Variants in ARHGAP32 observed in about 807,000 individuals in gnomAD.
ARHGAP32 encodes the protein Rho GTPase activating protein 32, also known as rho GTPase-activating protein 32.
A neutral mutation model predicts 186.5 loss-of-function variants in ARHGAP32; 51 were observed. That is an observed-to-expected ratio of 0.27 (90% CI 0.22 to 0.35). The LOEUF is 0.35. Among genes scored for constraint, ARHGAP32 ranks in the 10% least tolerant of loss-of-function variants. The probability of loss-of-function intolerance (pLI) is 1.00; values close to 1 mark genes in which losing one functional copy is unlikely to be tolerated. For synonymous variants in ARHGAP32, 950 were observed against 964.3 expected, an observed-to-expected ratio of 0.99 and a Z score of 0.27; for missense variants, 2,186 against 2,623.5, an observed-to-expected ratio of 0.83 and a Z score of 3.64.
intron 2 of ARHGAP32, 38 bp downstream of exon 2, chr11:129,164,281 T>C (rs1435298015): frequency 9.3e-6 from 11 of 1,188,846 alleles, no homozygotes; most frequent in Non-Finnish European, 1.3e-5. Context: ...TATATACATA[T>C]ATATGTATAT....
rs1242084851 is a variant in ARHGAP32 at position 129,064,947 on chromosome 11, G to T, written c.670-14C>A. 2.5e-6 allele frequency: 4 copies of T among 1,568,642 alleles called. No individual in the cohort carries two copies. Among genetic ancestry groups the T allele is most frequent in the Non-Finnish European group, 3.5e-6 (4 of 1,155,200 alleles). ...CTGAGTGACCGACTGAAAAGAAAAA[G>T]ATCAGTGTAACTCTGAGTAAAGATA... is the stretch of plus-strand genomic sequence containing the variant. On this transcript the variant is annotated splice_polypyrimidine_tract_variant and intron_variant, in intron 7 of 22. Transcript: ENST00000682385.
intron 1 of ARHGAP32, among the ~76,000 whole-genome samples, chr11:129,271,128 G>A (rs1199872800): frequency 6.6e-6 from 1 of 152,212 alleles, no homozygotes; most frequent in African/African-American, 2.4e-5. Context: ...CCAGTAAGCA[G>A]AATGATACGA....
At chr11:129,231,569 C>T (rs1451843866) in intron 1 of ARHGAP32, among the ~76,000 whole-genome samples, 1 of 152,100 alleles carries the variant, frequency 6.6e-6, no homozygotes, top group African/African-American at 2.4e-5. Flanking sequence ...CGACATCTTA[C>T]AAAAACTGTC....
intron 1 of ARHGAP32, among the ~76,000 whole-genome samples, chr11:129,180,831 G>A (rs1283056350): frequency 2.0e-5 from 3 of 152,122 alleles, no homozygotes; most frequent in Middle Eastern, 3.4e-3. Context: ...AAATAGGAGA[G>A]AAAACTACTT....
chr11:129,148,659 C>T (rs1453851566), intron 2 of ARHGAP32, among the ~76,000 whole-genome samples: 1 of 152,116 alleles, frequency 6.6e-6, no homozygotes, highest in Non-Finnish European at 1.5e-5. Context: ...CAGATACAAA[C>T]GTAGGAGCCA....
rs1348132602 is a variant in ARHGAP32, at chr11:128,969,022, G to T, written c.6191C>A (p.Pro2064His). 6.2e-7 allele frequency: 1 copy of T among 1,611,582 alleles called. No homozygotes were observed. The highest frequency in any genetic ancestry group is 8.5e-7 in the Non-Finnish European group (1 of 1,178,388). Residue 2064 changes from proline (P) to histidine (H), a missense_variant, in exon 23 of 23, where the codon CCC becomes CAC. This residue lies in a region of ARHGAP32 where 1,502 missense variants were observed against 1,570.0 expected (regional missense o/e 0.96). Coordinates refer to ENST00000682385, the MANE Select transcript of ARHGAP32 (RefSeq NM_001378024.1). The surrounding 1 kb of genome is among the most constrained non-coding windows in gnomAD (Gnocchi z 4.8). ...FGGGGMGTYV[P>H]PGFPHPQSRT... ...GCTCTGTGGATGGGGAAAGCCAGGG[G>T]GCACATACGTCCCCATGCCGCCCCC...
intron 5 of ARHGAP32, among the ~76,000 whole-genome samples, chr11:129,103,175 G>A (rs867492069): frequency 6.6e-6 from 1 of 151,986 alleles, no homozygotes; most frequent in African/African-American, 2.4e-5. Context: ...ACATATGTGT[G>A]GTACTTACAG....
chr11:129,253,296 G>C (rs886880388), intron 1 of ARHGAP32, among the ~76,000 whole-genome samples: 2 of 152,026 alleles, frequency 1.3e-5, no homozygotes, highest in African/African-American at 2.4e-5. Flanking sequence ...TACCAAATAT[G>C]GTCATAATGT....
At chr11:129,053,511 A>G (rs1426641851) in intron 10 of ARHGAP32, among the ~76,000 whole-genome samples, 1 of 152,186 alleles carries the variant, frequency 6.6e-6, no homozygotes, top group Non-Finnish European at 1.5e-5. Flanking sequence ...AAACAAGCAG[A>G]GCCACTATTA....
rs1404169607 is a variant in ARHGAP32, at chr11:128,969,755, C to G, written c.5458G>C (p.Val1820Leu). Residue 1820 changes from valine to leucine, a missense_variant, in exon 23 of 23, where the codon GTG becomes CTG. Val to Leu is a conservative substitution (Grantham distance 32, BLOSUM62 1). Around this residue, in one of 5 missense-constraint regions of ARHGAP32, gnomAD observed 1,502 missense variants for 1,570.0 expected, o/e 0.96. Coordinates refer to ENST00000682385, the MANE Select transcript of ARHGAP32 (RefSeq NM_001378024.1). This position sits in a 1 kb window ranked among gnomAD's most constrained non-coding sequence, Gnocchi z 4.8. ...TGGCGGCTCTCCTTTCCTTCTGCCA[C>G]TGAGAGAAGTCCAGTTTTCCCAGGA... is the stretch of plus-strand genomic sequence containing the variant. Reference protein sequence around the residue: ...SDPGKTGLLSVAEGKESRHAA... With the variant: ...SDPGKTGLLSLAEGKESRHAA... 6.2e-7 allele frequency: 1 copy of G among 1,614,160 alleles called. No individual in the cohort carries two copies. Among genetic ancestry groups the G allele is most frequent in the South Asian group, 1.1e-5 (1 of 91,084 alleles).
At chr11:129,236,662 A>G (rs1172921231) in intron 1 of ARHGAP32, among the ~76,000 whole-genome samples, 3 of 152,140 alleles carry the variant, frequency 2.0e-5, no homozygotes, top group Admixed American at 6.6e-5. Flanking sequence ...ATACGTCTTT[A>G]GGGTTTTCTA....
At chr11:129,274,164 C>T (rs528747637) in intron 1 of ARHGAP32, among the ~76,000 whole-genome samples, 22 of 152,288 alleles carry the variant, frequency 1.4e-4, no homozygotes, top group African/African-American at 4.3e-4. Flanking sequence ...CCTTTAAATA[C>T]AAGACTAGCC....
Position 128,981,902 on chromosome 11 carries a change from G to A in ARHGAP32, c.1561C>T (p.Leu521=). 1 of 1,612,176 alleles carries A rather than the reference G, an allele frequency of 6.2e-7. No individual in the cohort carries two copies. Among genetic ancestry groups the A allele is most frequent in the East Asian group, 2.2e-5 (1 of 44,804 alleles). Reference sequence around the variant, plus strand: ...TTTGTGATGGAACAATAGTCAGCTAGAAGAGACAAGTGTCTCATCAGGAAC... The same window carrying A: ...TTTGTGATGGAACAATAGTCAGCTAAAAGAGACAAGTGTCTCATCAGGAAC... The part of the protein sequence containing the change: ...LEFLMRHLSL[L]ADYCSITNMH... Residue 521 remains leucine, a synonymous_variant, in exon 16 of 23, where the codon CTA becomes TTA. Coordinates refer to ENST00000682385, the MANE Select transcript of ARHGAP32 (RefSeq NM_001378024.1).
rs561773823 is a variant in ARHGAP32 at position 129,189,709 on chromosome 11, G to A, written c.116+2374C>T. Among the ~76,000 whole-genome samples, 14 of 152,194 alleles carry A rather than the reference G, an allele frequency of 9.2e-5. No individual in the cohort carries two copies. In the East Asian group the frequency reaches 1.4e-3, roughly 15 times the overall value. On this transcript the variant is annotated intron_variant, in intron 1 of 22. Coordinates refer to ENST00000682385, the MANE Select transcript of ARHGAP32 (RefSeq NM_001378024.1). Reference sequence around the variant, plus strand: ...TTAAACTACCACCATGAAGGAGACCGGCAACTTCCCATAGTGAAAGAGTGT... The same window carrying A: ...TTAAACTACCACCATGAAGGAGACCAGCAACTTCCCATAGTGAAAGAGTGT...
chr11:129,270,685 T>G (rs1300681602), intron 1 of ARHGAP32, among the ~76,000 whole-genome samples: 3 of 151,926 alleles, frequency 2.0e-5, no homozygotes, highest in Non-Finnish European at 2.9e-5. Flanking sequence ...AGGAAACTTC[T>G]GCACCTTTAG....
chr11:129,111,597 T>C (rs1942218823), intron 5 of ARHGAP32, among the ~76,000 whole-genome samples: 1 of 152,170 alleles, frequency 6.6e-6, no homozygotes, highest in Admixed American at 6.5e-5. Context: ...ATGTTCCGGT[T>C]TTCTAAGTCT....
chr11:129,233,142 AT>A (rs1055511883), intron 1 of ARHGAP32, among the ~76,000 whole-genome samples: 5 of 152,174 alleles, frequency 3.3e-5, no homozygotes, highest in African/African-American at 1.2e-4. Flanking sequence ...GCTAAAAAAA[AT>A]GTAACCATTA....
chr11:128,968,767 G>C lies in ARHGAP32; in HGVS notation c.*140C>G. On this transcript the variant is annotated 3_prime_UTR_variant, in exon 23 of 23. Transcript: ENST00000682385. ...AAGCAGGGAAGGGGAAAAAGATGCT[G>C]ATTTGTTTACTTTTATTATCATTTT... is the stretch of plus-strand genomic sequence containing the variant. The C allele has an allele frequency of 1.5e-6, 1 of 657,284 alleles. No homozygotes were observed. Among genetic ancestry groups the C allele is most frequent in the Non-Finnish European group, 2.2e-6 (1 of 449,340 alleles). 40.7% of individuals were successfully genotyped at this position (657,284 alleles called of 1,614,324 possible). A position where few individuals can be genotyped will look rare whatever the true frequency, so the allele number is the denominator to read the frequency against.
intron 5 of ARHGAP32, among the ~76,000 whole-genome samples, chr11:129,097,558 A>T (rs1471126098): frequency 6.6e-6 from 1 of 152,174 alleles, no homozygotes; most frequent in Non-Finnish European, 1.5e-5. Context: ...TCAAAGGCAG[A>T]TTTGAGCAGG....
Sources: allele counts gnomAD v4.1 joint callset (sites outside exome capture counted in the v4.1 genomes callset), GRCh38; gene constraint gnomAD v4.1.1; regional missense constraint gnomAD v4.1.1; non-coding constraint Gnocchi (gnomAD v3.1); transcripts MANE v1.5; gene names NCBI Gene and HGNC (gene_info 2026-07-23, HGNC 2026-07-21).